The following PCDHGA7 variants were observed in gnomAD, a reference collection of about 807,000 sequenced individuals.
PCDHGA7 encodes protocadherin gamma-A7.
Under a neutral mutation model 58.3 loss-of-function variants are expected in PCDHGA7, and 44 were observed. That is an observed-to-expected ratio of 0.75 (90% CI 0.59 to 0.97). PCDHGA7 has a LOEUF of 0.97. Among genes scored for constraint, PCDHGA7 ranks in the 50% least tolerant of loss-of-function variants. The probability of loss-of-function intolerance (pLI) is 0.00; values close to 1 mark genes in which losing one functional copy is unlikely to be tolerated. For synonymous variants in PCDHGA7, 516 were observed against 504.2 expected (o/e 1.02, Z -0.31); for missense variants, 1,266 against 1,188.7 (o/e 1.06, Z -0.96).
intron 1 of PCDHGA7, among the ~76,000 whole-genome samples, chr5:141,474,280 C>A (rs1490512371): frequency 6.6e-6 from 1 of 152,136 alleles, no homozygotes; most frequent in African/African-American, 2.4e-5. Context: ...CTCTGAATAA[C>A]CCACTAGATC....
chr5:141,421,353 G>C, intron 1 of PCDHGA7: 1 of 1,613,998 alleles, frequency 6.2e-7, no homozygotes, highest in Non-Finnish European at 8.5e-7. Flanking sequence ...AGACCGAAAA[G>C]GGCTCCTTCG....
In PCDHGA7 at chr5:141,431,932, C is replaced by A; in HGVS notation, c.2424+46609C>A. 1 of 1,614,172 alleles carries A rather than the reference C, an allele frequency of 6.2e-7. No homozygotes were observed. Among genetic ancestry groups the A allele is most frequent in the Non-Finnish European group, 8.5e-7 (1 of 1,180,002 alleles). The stretch of plus-strand genomic sequence containing the variant: ...TCTGTTTCATCCAAGGAAATCTGCC[C>A]TTTAAATTAGAAAAATCTTACGGAA... On this transcript the variant is annotated intron_variant, in intron 1 of 3. Transcript: ENST00000518325. The surrounding 1 kb of genome is among the most constrained non-coding windows in gnomAD (Gnocchi z 4.8).
chr5:141,436,877 A>G (rs2097851127), intron 1 of PCDHGA7, among the ~76,000 whole-genome samples: 1 of 152,252 alleles, frequency 6.6e-6, no homozygotes, highest in Admixed American at 6.5e-5. Flanking sequence ...AGGCCATAAA[A>G]GATGGGGGAA....
At chr5:141,413,950 T>C (rs1448967281) in intron 1 of PCDHGA7, 1 of 1,613,264 alleles carries the variant, frequency 6.2e-7, no homozygotes. Context: ...TCCTGAGAAT[T>C]TGCCTGTGGG....
Position 141,491,029 on chromosome 5 carries a change from G to T in PCDHGA7, c.2425-3778G>T. 1 of 1,614,172 alleles carries T rather than the reference G, an allele frequency of 6.2e-7. No homozygotes were observed. The highest frequency in any genetic ancestry group is 1.1e-5 in the South Asian group (1 of 91,088). On this transcript the variant is annotated intron_variant, in intron 1 of 3. Coordinates refer to ENST00000518325, the MANE Select transcript of PCDHGA7 (RefSeq NM_018920.4). The surrounding 1 kb of genome is among the most constrained non-coding windows in gnomAD (Gnocchi z 6.9). ...GGTCACCAAGGTGACAGCCGTGGAT[G>T]CTGATGCAGGCCACAATGCGTGGCT...
At chr5:141,510,366 T>A (rs1452829030) in intron 3 of PCDHGA7, among the ~76,000 whole-genome samples, 1 of 140,062 alleles carries the variant, frequency 7.1e-6, no homozygotes, top group Non-Finnish European at 1.6e-5. Context: ...AACTACCGAA[T>A]CTCTACTCGT....
intron 1 of PCDHGA7, among the ~76,000 whole-genome samples, chr5:141,447,493 T>A (rs538320272): frequency 3.3e-5 from 5 of 152,186 alleles, no homozygotes; most frequent in East Asian, 1.9e-4. Flanking sequence ...AGAAGGAATG[T>A]TTAGGATAAA....
At chr5:141,429,196 A>T (rs2097195436) in intron 1 of PCDHGA7, 2 of 151,994 alleles carry the variant, frequency 1.3e-5, no homozygotes, top group African/African-American at 4.8e-5. Context: ...ACACACACAC[A>T]CACACACACG....
intron 1 of PCDHGA7, among the ~76,000 whole-genome samples, chr5:141,480,272 G>T (rs903112862): frequency 7.2e-6 from 1 of 138,796 alleles, no homozygotes; most frequent in Non-Finnish European, 1.5e-5. Flanking sequence ...TTCATTAGCT[G>T]GGTGTGTTGG....
chr5:141,398,668 A>G, intron 1 of PCDHGA7: 1 of 1,614,026 alleles, frequency 6.2e-7, no homozygotes, highest in Non-Finnish European at 8.5e-7. Context: ...TTTCTCATTA[A>G]TAATTAAGGA....
chr5:141,383,257 G>C lies in PCDHGA7; in HGVS notation c.358G>C (p.Asp120His). 1 of 1,613,922 alleles carries C rather than the reference G, an allele frequency of 6.2e-7. No individual in the cohort carries two copies. Among genetic ancestry groups the C allele is most frequent in the Non-Finnish European group, 8.5e-7 (1 of 1,179,866 alleles). The change falls in exon 1 of 4, where the codon GAC (aspartate) becomes CAC (histidine). Residue 120 changes from aspartate (D) to histidine (H), a missense_variant. Coordinates refer to ENST00000518325, the MANE Select transcript of PCDHGA7 (RefSeq NM_018920.4). ...MEDKMNLYPI[D>H]VEIIDINDNV... ...AGATAAAATGAATCTTTACCCTATA[G>C]ACGTGGAAATAATAGATATTAATGA...
At chr5:141,413,597 A>C in intron 1 of PCDHGA7, 2 of 1,613,888 alleles carry the variant, frequency 1.2e-6, no homozygotes, top group Non-Finnish European at 8.5e-7. Context: ...CAAGCAGAAA[A>C]TCTAGACGTA....
rs980944782 is a variant in PCDHGA7 at position 141,487,625 on chromosome 5, T to C, written c.2425-7182T>C. On this transcript the variant is annotated intron_variant, in intron 1 of 3. Coordinates refer to ENST00000518325, the MANE Select transcript of PCDHGA7 (RefSeq NM_018920.4). This position sits in a 1 kb window ranked among gnomAD's most constrained non-coding sequence, Gnocchi z 5.0. ...TCTCTATGGGCTAGAGGTGAGACCT[T>C]TGCAGGCTCAACAAATGCTTGAGGG... 4 of 1,614,090 alleles carry C rather than the reference T, an allele frequency of 2.5e-6. No homozygotes were observed. Among genetic ancestry groups the C allele is most frequent in the Admixed American group, 3.3e-5 (2 of 60,004 alleles).
chr5:141,388,310 A>G, intron 1 of PCDHGA7: 1 of 1,613,880 alleles, frequency 6.2e-7, no homozygotes, highest in Non-Finnish European at 8.5e-7. Flanking sequence ...AGCTGCAAAT[A>G]AGTGAGTCTG....
In PCDHGA7 at chr5:141,478,301, G is replaced by C. The variant is rs778427815; in HGVS notation, c.2425-16506G>C. ...GAAGCAGTCTAGAGACCTATACCGA[G>C]CCCCGGTGAGCTCACTGTACCGAAC... On this transcript the variant is annotated intron_variant, in intron 1 of 3. Coordinates refer to ENST00000518325, the MANE Select transcript of PCDHGA7 (RefSeq NM_018920.4). 2.5e-6 allele frequency: 4 copies of C among 1,614,074 alleles called. No individual in the cohort carries two copies. In the South Asian group the frequency reaches 4.4e-5, roughly 18 times the overall value.
chr5:141,473,784 G>A (rs1457988232), intron 1 of PCDHGA7, among the ~76,000 whole-genome samples: 1 of 152,226 alleles, frequency 6.6e-6, no homozygotes, highest in Non-Finnish European at 1.5e-5. Flanking sequence ...TTTAATTCAA[G>A]AGCAGTATGA....
chr5:141,389,019 G>T, intron 1 of PCDHGA7: 3 of 1,614,000 alleles, frequency 1.9e-6, no homozygotes, highest in South Asian at 1.1e-5. Context: ...ACACAATGGA[G>T]AAGTGACTTG....
intron 2 of PCDHGA7, among the ~76,000 whole-genome samples, chr5:141,496,104 G>A (rs950960102): frequency 6.8e-6 from 1 of 146,980 alleles, no homozygotes; most frequent in African/African-American, 2.5e-5. Context: ...CCAACACCCC[G>A]CTCTCTTCCT....
intron 1 of PCDHGA7, among the ~76,000 whole-genome samples, chr5:141,484,207 A>G (rs898823095): frequency 2.6e-5 from 4 of 152,218 alleles, no homozygotes; most frequent in Non-Finnish European, 5.9e-5. Context: ...ATCTATGAAC[A>G]TTAGCATTCT....
Sources: allele counts gnomAD v4.1 joint callset (sites outside exome capture counted in the v4.1 genomes callset), GRCh38; gene constraint gnomAD v4.1.1; non-coding constraint Gnocchi (gnomAD v3.1); transcripts MANE v1.5; gene names NCBI Gene and HGNC (gene_info 2026-07-23, HGNC 2026-07-21).